Variants in INSR observed in about 807,000 individuals in gnomAD.
The protein encoded by INSR is IR.
Under a neutral mutation model 142.6 loss-of-function variants are expected in INSR, and 67 were observed. That is an observed-to-expected ratio of 0.47 (90% CI 0.39 to 0.58). The LOEUF (loss-of-function observed/expected upper bound fraction) is 0.58. Among genes scored for constraint, INSR ranks in the 20% least tolerant of loss-of-function variants. The pLI is 0.00. For synonymous variants in INSR, 756 were observed against 743.1 expected (o/e 1.02, Z -0.28); for missense variants, 1,248 against 1,833.2 (o/e 0.68, Z 5.83).
chr19:7,147,751 C>A (rs553607280), intron 11 of INSR, among the ~76,000 whole-genome samples: 7 of 152,246 alleles, frequency 4.6e-5, no homozygotes, highest in Non-Finnish European at 1.0e-4. Flanking sequence ...ACAAATGGGT[C>A]TCGTGAAAAT....
chr19:7,118,322 CTG>C (rs1457404659), intron 21 of INSR, among the ~76,000 whole-genome samples: 1 of 151,436 alleles, frequency 6.6e-6, no homozygotes, highest in Non-Finnish European at 1.5e-5. Context: ...TTTTGTGTGT[CTG>C]TGTTTGTTTT....
In INSR at chr19:7,159,448, A is replaced by G. The variant is rs1193890632; in HGVS notation, c.2029+3584T>C. On this transcript the variant is annotated intron_variant, in intron 9 of 21. Coordinates refer to ENST00000302850, the MANE Select transcript of INSR (RefSeq NM_000208.4). This position sits in a 1 kb window ranked among gnomAD's most constrained non-coding sequence, Gnocchi z 4.3. ...TTTGTCCTTAGTGAGTTTCCTTTTA[A>G]TGATATTAACTTTGTGACAATTACA... 6.6e-6 allele frequency: 1 copy of G among 152,018 alleles called. No homozygotes were observed. The highest frequency in any genetic ancestry group is 1.5e-5 in the Non-Finnish European group (1 of 68,014). The allele number at this position is 152,018 out of a possible 1,614,324, so 9.4% of individuals were successfully genotyped here.
In INSR at chr19:7,216,866, C is replaced by T. The variant is rs1975449642; in HGVS notation, c.653-32229G>A. 6.6e-6 allele frequency among the ~76,000 whole-genome samples: 1 copy of T among 152,114 alleles called. No individual in the cohort carries two copies. Among genetic ancestry groups the T allele is most frequent in the Non-Finnish European group, 1.5e-5 (1 of 68,020 alleles). ...TTACTCTGTTGCCTAGGCTGGAGTG[C>T]AATGGTGCAATCATGGCTCACTGCA... is the stretch of plus-strand genomic sequence containing the variant. On this transcript the variant is annotated intron_variant, in intron 2 of 21. Transcript: ENST00000302850. The surrounding 1 kb of genome is among the most constrained non-coding windows in gnomAD (Gnocchi z 4.2).
At chr19:7,293,113 T>C (rs1012729592) in intron 1 of INSR, among the ~76,000 whole-genome samples, 1 of 152,168 alleles carries the variant, frequency 6.6e-6, no homozygotes, top group African/African-American at 2.4e-5. Flanking sequence ...TAGACTAGGC[T>C]GTGGCGTGCG....
chr19:7,219,453 GAAGA>G (rs199932171), intron 2 of INSR, among the ~76,000 whole-genome samples: 2,157 of 94,206 alleles, frequency 0.023, 45 homozygotes, highest in Non-Finnish European at 0.029. Context: ...CAGAGAGAAA[GAAGA>G]GAGAGAGAGA....
At chr19:7,129,566 C>A (rs1322048588) in intron 14 of INSR, among the ~76,000 whole-genome samples, 2 of 152,150 alleles carry the variant, frequency 1.3e-5, no homozygotes, top group Non-Finnish European at 2.9e-5. Context: ...CTCAGGTGAT[C>A]CTCCCGCCTC....
rs112122628 is a variant in INSR at position 7,142,687 on chromosome 19, C to T, written c.2542+129G>A. ...CAGCCTGGGCGACAGAGCAAGGCTC[C>T]GTCTCAAACAAAAATGAAGGCCAAT... On this transcript the variant is annotated intron_variant, in intron 12 of 21. Coordinates refer to ENST00000302850, the MANE Select transcript of INSR (RefSeq NM_000208.4). 16,863 of 1,138,148 alleles carry T rather than the reference C, an allele frequency of 0.015. 1,020 individuals carry two copies. In the African/African-American group the frequency reaches 0.15, roughly 10 times the overall value. 70.5% of individuals were successfully genotyped at this position (1,138,148 alleles called of 1,614,324 possible). A position where few individuals can be genotyped will look rare whatever the true frequency, so the allele number is the denominator to read the frequency against.
intron 2 of INSR, among the ~76,000 whole-genome samples, chr19:7,258,335 A>G (rs1976957487): frequency 6.6e-6 from 1 of 151,960 alleles, no homozygotes; most frequent in East Asian, 1.9e-4. Flanking sequence ...GCTACTGAGG[A>G]GGCTGACTGA....
At chr19:7,240,742 C>G (rs1024143015) in intron 2 of INSR, among the ~76,000 whole-genome samples, 2 of 152,136 alleles carry the variant, frequency 1.3e-5, no homozygotes, top group Admixed American at 6.6e-5. Context: ...CATTCCTGAC[C>G]TCTTGTGACA....
intron 1 of INSR, among the ~76,000 whole-genome samples, chr19:7,281,717 A>G (rs1968207954): frequency 6.6e-6 from 1 of 152,258 alleles, no homozygotes; most frequent in East Asian, 1.9e-4. Flanking sequence ...AAATCAATTT[A>G]AAAAAGCAGT....
intron 1 of INSR, among the ~76,000 whole-genome samples, chr19:7,270,339 T>TCTCACACACACA (rs1414011806): frequency 5.8e-5 from 7 of 120,248 alleles, no homozygotes; most frequent in African/African-American, 1.4e-4. Flanking sequence ...TCTCTCTCTC[T>TCTCACACACACA]CACACACACA....
chr19:7,257,286 A>T (rs1383465935), intron 2 of INSR, among the ~76,000 whole-genome samples: 1 of 152,012 alleles, frequency 6.6e-6, no homozygotes, highest in Non-Finnish European at 1.5e-5. Context: ...CCCCGTGTGC[A>T]GGCGTTACAC....
In INSR at chr19:7,192,478, C is replaced by T. The variant is rs2145013951; in HGVS notation, c.653-7841G>A. 6.6e-6 allele frequency among the ~76,000 whole-genome samples: 1 copy of T among 152,180 alleles called. No homozygotes were observed. Among genetic ancestry groups the T allele is most frequent in the East Asian group, 1.9e-4 (1 of 5,162 alleles). ...TGGAGGACGGGGTTGACTTTCCTCT[C>T]CCTGTGCCCCTGACCTGATCCCCCT... On this transcript the variant is annotated intron_variant, in intron 2 of 21. Transcript: ENST00000302850. The surrounding 1 kb of genome is among the most constrained non-coding windows in gnomAD (Gnocchi z 4.2).
rs1179319859 is a variant in INSR at position 7,125,181 on chromosome 19, G to C, written c.3258+102C>G. The stretch of plus-strand genomic sequence containing the variant: ...GCTTAGTGGAGTGAGGGGTGGGTAG[G>C]AGGTTACACCCTGTGTCCTCTGTCG... On this transcript the variant is annotated intron_variant, in intron 17 of 21. Transcript: ENST00000302850. This position sits in a 1 kb window ranked among gnomAD's most constrained non-coding sequence, Gnocchi z 4.9. 4 of 1,406,258 alleles carry C rather than the reference G, an allele frequency of 2.8e-6. No individual in the cohort carries two copies. The Admixed American group carries it at 7.0e-5, about 24-fold the overall frequency. The allele number at this position is 1,406,258 out of a possible 1,614,324, so 87.1% of individuals were successfully genotyped here.
chr19:7,237,388 G>C (rs563280253), intron 2 of INSR, among the ~76,000 whole-genome samples: 8 of 151,972 alleles, frequency 5.3e-5, no homozygotes, highest in African/African-American at 1.9e-4. Flanking sequence ...GTGGTGGCAG[G>C]CACCTGTAAT....
At chr19:7,187,242 G>A (rs983940554) in intron 2 of INSR, among the ~76,000 whole-genome samples, 8 of 151,652 alleles carry the variant, frequency 5.3e-5, no homozygotes, top group East Asian at 2.0e-4. Context: ...ACCACACCCC[G>A]CTAATTTTTT....
intron 4 of INSR, among the ~76,000 whole-genome samples, chr19:7,172,752 C>T (rs1210750731): frequency 6.6e-6 from 1 of 151,882 alleles, no homozygotes; most frequent in Non-Finnish European, 1.5e-5. Flanking sequence ...CAACCCCCAG[C>T]TTGGTGCTGG....
rs114182840 is a variant in INSR, at chr19:7,235,342, C to T, written c.652+32003G>A. Reference sequence around the variant, plus strand: ...TCACGAACTCCCTACATTCTTACTCCTTGTGTCTGAAGATGAATAACCACC... The same window carrying T: ...TCACGAACTCCCTACATTCTTACTCTTTGTGTCTGAAGATGAATAACCACC... On this transcript the variant is annotated intron_variant, in intron 2 of 21. Transcript: ENST00000302850. Among the ~76,000 whole-genome samples, 1,085 of 152,276 alleles carry T rather than the reference C, an allele frequency of 7.1e-3. 9 individuals are homozygous for T. Among genetic ancestry groups the T allele is most frequent in the African/African-American group, 0.024 (1,003 of 41,548 alleles).
chr19:7,152,995 A>ACCCC lies in INSR; in HGVS notation c.2030-72_2030-69dup, dbSNP rs1568448905. 2.7e-4 allele frequency: 210 copies of ACCCC among 766,868 alleles called. 3 individuals carry two copies. In the African/African-American group the frequency reaches 4.2e-3, roughly 15 times the overall value. 47.5% of individuals were successfully genotyped at this position (766,868 alleles called of 1,614,324 possible). On this transcript the variant is annotated intron_variant, in intron 9 of 21. Transcript: ENST00000302850. ...TGAACACACATACACACACACACAC[A>ACCCC]CCCCACACACACACACACCACACAC...
Sources: gnomAD v4.1 joint callset for allele counts (sites outside exome capture counted in the v4.1 genomes callset) on GRCh38, gnomAD v4.1.1 for gene constraint, Gnocchi (gnomAD v3.1) non-coding constraint, MANE v1.5 for transcripts, NCBI Gene and HGNC (gene_info 2026-07-23, HGNC 2026-07-21) for gene names.